Variants in RAD51B observed in about 807,000 individuals in gnomAD.
The protein encoded by RAD51B is DNA repair protein RAD51 homolog 2.
Under a neutral mutation model 42.2 loss-of-function variants are expected in RAD51B, and 38 were observed. The ratio of observed to expected loss-of-function variants is 0.90; its 90% CI spans 0.70 to 1.18. The LOEUF (loss-of-function observed/expected upper bound fraction) is 1.18. RAD51B is among the 50% of genes most tolerant of loss of function. RAD51B has a pLI of 0.00. For synonymous variants in RAD51B, 154 were observed against 145.2 expected (o/e 1.06, Z -0.43); for missense variants, 373 against 400.7 (o/e 0.93, Z 0.59).
At chr14:68,340,663 A>G (rs558359002) in intron 8 of RAD51B, among the ~76,000 whole-genome samples, 5 of 152,202 alleles carry the variant, frequency 3.3e-5, no homozygotes, top group Non-Finnish European at 5.9e-5. Context: ...ACATGCGTGC[A>G]TATTACTATT....
At chr14:68,438,051 G>A (rs984801206) in intron 9 of RAD51B, among the ~76,000 whole-genome samples, 5 of 152,106 alleles carry the variant, frequency 3.3e-5, no homozygotes, top group Admixed American at 2.0e-4. Flanking sequence ...GGGCCTGTAT[G>A]TAGTTAAAGA....
chr14:68,372,584 T>C (rs2083286261), intron 8 of RAD51B, among the ~76,000 whole-genome samples: 4 of 152,044 alleles, frequency 2.6e-5, no homozygotes, highest in Admixed American at 6.6e-5. Context: ...ACCCTAAGAA[T>C]GGAGTACATC....
At chr14:68,112,011 G>T (rs931062481) in intron 7 of RAD51B, among the ~76,000 whole-genome samples, 15 of 152,056 alleles carry the variant, frequency 9.9e-5, no homozygotes, top group African/African-American at 3.4e-4. Context: ...TAACTCTCCT[G>T]CAAGAGGCTA....
chr14:68,119,097 T>C (rs2077599080), intron 7 of RAD51B, among the ~76,000 whole-genome samples: 2 of 151,818 alleles, frequency 1.3e-5, no homozygotes, highest in South Asian at 4.2e-4. Flanking sequence ...TACAGGCACG[T>C]GCCACTCACT....
chr14:68,482,406 T>A (rs1883269483), downstream of RAD51B, among the ~76,000 whole-genome samples: 1 of 152,178 alleles, frequency 6.6e-6, no homozygotes, highest in African/African-American at 2.4e-5. Context: ...GCAAAATGAC[T>A]GCTCAGAGAC....
intron 7 of RAD51B, among the ~76,000 whole-genome samples, chr14:68,136,297 C>G (rs1026420785): frequency 1.3e-5 from 2 of 151,970 alleles, no homozygotes; most frequent in Non-Finnish European, 2.9e-5. Context: ...TGGATCAGGC[C>G]GGGCACAGTG....
At position 67,819,834 on chromosome 14, in the gene RAD51B, A is replaced by G. The variant is rs913417689; in HGVS notation, c.-22A>G. On this transcript the variant is annotated 5_prime_UTR_variant, in exon 1 of 11. Coordinates refer to ENST00000471583, the MANE Select transcript of RAD51B (RefSeq NM_133510.4). ...TGTGTAAAGGGTGGGGAAACTTGAAAGTTGGATGCTGCAGACCCGGTACTG... is the reference window on the plus strand; with the variant it reads ...TGTGTAAAGGGTGGGGAAACTTGAAGGTTGGATGCTGCAGACCCGGTACTG... 1 of 152,130 alleles carries G rather than the reference A, an allele frequency of 6.6e-6. No homozygotes were observed. Among genetic ancestry groups the G allele is most frequent in the African/African-American group, 2.4e-5 (1 of 41,426 alleles). 9.4% of individuals were successfully genotyped at this position (152,130 alleles called of 1,614,324 possible).
intron 9 of RAD51B, among the ~76,000 whole-genome samples, chr14:68,441,684 G>A (rs1594843998): frequency 6.6e-6 from 1 of 151,618 alleles, no homozygotes; most frequent in Non-Finnish European, 1.5e-5. Flanking sequence ...TAAAATTCTA[G>A]CTCTGTTTCT....
chr14:68,495,307 T>C (rs1380289275), intron 10 of RAD51B, among the ~76,000 whole-genome samples: 1 of 152,184 alleles, frequency 6.6e-6, no homozygotes, highest in Non-Finnish European at 1.5e-5. Context: ...ATCCTGTTTG[T>C]TCAGACCCCT....
intron 9 of RAD51B, among the ~76,000 whole-genome samples, chr14:68,434,065 C>T (rs2085083825): frequency 6.6e-6 from 1 of 152,198 alleles, no homozygotes; most frequent in South Asian, 2.1e-4. Context: ...CTGAATATTG[C>T]TAAACAGCAA....
At chr14:67,933,509 AG>A (rs758112724) in intron 7 of RAD51B, among the ~76,000 whole-genome samples, 37 of 152,132 alleles carry the variant, frequency 2.4e-4, no homozygotes, top group Non-Finnish European at 4.7e-4. Context: ...CACCCTTGCT[AG>A]TATCAGGGTT....
At chr14:68,584,797 C>T (rs911289612) in intron 10 of RAD51B, among the ~76,000 whole-genome samples, 25 of 152,190 alleles carry the variant, frequency 1.6e-4, no homozygotes, top group African/African-American at 6.0e-4. Flanking sequence ...TAACATATGG[C>T]ATTTTTATTC....
chr14:68,586,381 G>T (rs761781273), intron 10 of RAD51B, among the ~76,000 whole-genome samples: 1 of 152,140 alleles, frequency 6.6e-6, no homozygotes, highest in Non-Finnish European at 1.5e-5. Context: ...GAACATTTGC[G>T]GTGCGCCCAA....
intron 8 of RAD51B, among the ~76,000 whole-genome samples, chr14:68,377,777 G>T (rs1395280542): frequency 6.6e-6 from 1 of 152,206 alleles, no homozygotes; most frequent in East Asian, 1.9e-4. Flanking sequence ...CATCTGTGTG[G>T]CTTAGGGAGT....
At chr14:68,099,659 C>T (rs1245289205) in intron 7 of RAD51B, among the ~76,000 whole-genome samples, 1 of 152,140 alleles carries the variant, frequency 6.6e-6, no homozygotes, top group Non-Finnish European at 1.5e-5. Flanking sequence ...AAAGAAAGAG[C>T]ATTCCTAAGA....
chr14:68,528,362 T>C (rs1390930071), intron 10 of RAD51B, among the ~76,000 whole-genome samples: 2 of 152,266 alleles, frequency 1.3e-5, no homozygotes, highest in Non-Finnish European at 2.9e-5. Context: ...TTTTCCCTTC[T>C]TCCTCTATGG....
At chr14:68,111,164 C>T (rs1055744599) in intron 7 of RAD51B, among the ~76,000 whole-genome samples, 1 of 152,040 alleles carries the variant, frequency 6.6e-6, no homozygotes, top group Non-Finnish European at 1.5e-5. Flanking sequence ...TTCACCATTT[C>T]GGCAGGACAG....
chr14:68,659,701 C>A (rs185949057), intron 11 of RAD51B, among the ~76,000 whole-genome samples: 6 of 152,310 alleles, frequency 3.9e-5, no homozygotes, highest in Non-Finnish European at 7.4e-5. Flanking sequence ...CCCCAGACGC[C>A]CTCCCTCTGC....
At chr14:67,971,521 T>C (rs2074897753) in intron 7 of RAD51B, among the ~76,000 whole-genome samples, 1 of 152,104 alleles carries the variant, frequency 6.6e-6, no homozygotes, top group Non-Finnish European at 1.5e-5. Flanking sequence ...TGCAGCTTTG[T>C]ACTTAGAAGT....
Sources: gnomAD v4.1 joint callset for allele counts (sites outside exome capture counted in the v4.1 genomes callset) on GRCh38, gnomAD v4.1.1 for gene constraint, MANE v1.5 for transcripts, NCBI Gene and HGNC (gene_info 2026-07-23, HGNC 2026-07-21) for gene names.